Variants in TAF4B observed in about 807,000 individuals in gnomAD.
The protein encoded by TAF4B is TATA-box binding protein associated factor 4b, also known as transcription initiation factor TFIID subunit 4B.
A neutral mutation model predicts 86.4 loss-of-function variants in TAF4B; 38 were observed. The ratio of observed to expected loss-of-function variants is 0.44; its 90% confidence interval spans 0.34 to 0.58. The LOEUF is 0.58. Among genes scored for constraint, TAF4B ranks in the 20% least tolerant of loss-of-function variants. The pLI is 0.02. For missense variants in TAF4B, 988 were observed against 1,027.6 expected, an observed-to-expected ratio of 0.96 and a Z score of 0.53; for synonymous variants, 388 against 391.2, an observed-to-expected ratio of 0.99 and a Z score of 0.10.
At chr18:26,340,945 A>G (rs1049934359) in intron 13 of TAF4B, among the ~76,000 whole-genome samples, 3 of 152,166 alleles carry the variant, frequency 2.0e-5, no homozygotes, top group Non-Finnish European at 4.4e-5. Flanking sequence ...TTTACAAGAT[A>G]ACTTTAATGG....
chr18:26,257,362 A>G (rs955147512), intron 1 of TAF4B, among the ~76,000 whole-genome samples: 5 of 152,158 alleles, frequency 3.3e-5, no homozygotes, highest in African/African-American at 1.2e-4. Flanking sequence ...TGATATTAGT[A>G]TGGCCACTAC....
At chr18:26,341,098 T>TAA (rs141873351) in intron 13 of TAF4B, among the ~76,000 whole-genome samples, 9 of 150,664 alleles carry the variant, frequency 6.0e-5, no homozygotes, top group Admixed American at 1.3e-4. Flanking sequence ...GATGCCTGTT[T>TAA]AAAAAAAAAA....
chr18:26,346,759 G>A lies in TAF4B; in HGVS notation c.2317-10931G>A, dbSNP rs377459264. Among the ~76,000 whole-genome samples the A allele has an allele frequency of 7.4e-5, 2 of 27,112 alleles. 1 individual carries two copies. The highest frequency in any genetic ancestry group is 1.9e-4 in the African/African-American group (2 of 10,752). 17.8% of individuals were successfully genotyped at this position (27,112 alleles called of 152,430 possible). On this transcript the variant is annotated intron_variant, in intron 13 of 14. Coordinates refer to ENST00000269142, the MANE Select transcript of TAF4B (RefSeq NM_005640.3). ...CAAGAATATATATATATATATGTGT[G>A]TATATATATATATATGTGTGTGTAT... is the stretch of plus-strand genomic sequence containing the variant.
intron 14 of TAF4B, among the ~76,000 whole-genome samples, chr18:26,365,421 C>T (rs1472986717): frequency 6.6e-6 from 1 of 152,162 alleles, no homozygotes; most frequent in African/African-American, 2.4e-5. Context: ...TTTCAGCAGG[C>T]AGCAGAAGCT....
At chr18:26,255,838 C>T (rs2056076100) in intron 1 of TAF4B, 3 of 1,375,184 alleles carry the variant, frequency 2.2e-6, no homozygotes, top group South Asian at 2.3e-5. Flanking sequence ...TAGATGATCC[C>T]ACAACATGTC....
intron 1 of TAF4B, among the ~76,000 whole-genome samples, chr18:26,231,285 C>T (rs1173974763): frequency 6.6e-5 from 10 of 150,570 alleles, no homozygotes; most frequent in South Asian, 4.2e-4. Context: ...TCAGGTGATC[C>T]GCCCACCTTG....
At chr18:26,236,758 C>A (rs1226948537) in intron 1 of TAF4B, among the ~76,000 whole-genome samples, 2 of 152,138 alleles carry the variant, frequency 1.3e-5, no homozygotes, top group Non-Finnish European at 2.9e-5. Flanking sequence ...TCCTTTTCGT[C>A]CTGTTCCTCT....
intron 13 of TAF4B, among the ~76,000 whole-genome samples, chr18:26,338,398 G>A (rs770755761): frequency 6.6e-6 from 1 of 150,488 alleles, no homozygotes; most frequent in African/African-American, 2.4e-5. Flanking sequence ...GCAGTGAGCC[G>A]ACATGGTGCC....
chr18:26,352,398 G>C (rs1310431829), intron 13 of TAF4B, among the ~76,000 whole-genome samples: 1 of 151,956 alleles, frequency 6.6e-6, no homozygotes, highest in East Asian at 1.9e-4. Flanking sequence ...GGAATAGGAA[G>C]AGCAATATAG....
chr18:26,260,514 C>T (rs2056148999), intron 1 of TAF4B, among the ~76,000 whole-genome samples: 1 of 152,164 alleles, frequency 6.6e-6, no homozygotes, highest in Non-Finnish European at 1.5e-5. Context: ...AGCCAGTTTT[C>T]CCAGCACCAT....
At chr18:26,354,427 A>G (rs571914618) in intron 13 of TAF4B, among the ~76,000 whole-genome samples, 1 of 152,348 alleles carries the variant, frequency 6.6e-6, no homozygotes, top group African/African-American at 2.4e-5. Flanking sequence ...ATAGACTTTA[A>G]TCAGCTCCTG....
rs772896930 is a variant in TAF4B at position 26,286,100 on chromosome 18, C to CCCA, written c.1193_1195dup (p.Pro398dup). The CCCA allele has an allele frequency of 7.4e-6, 12 of 1,614,222 alleles. No homozygotes were observed. The highest frequency in any genetic ancestry group is 8.5e-6 in the Non-Finnish European group (10 of 1,180,032). On this transcript the variant is annotated inframe_insertion, in exon 7 of 15. Coordinates refer to ENST00000269142, the MANE Select transcript of TAF4B (RefSeq NM_005640.3). ...GAACTGTGTCAGTGCAAACTTTGAA[C>CCCA]CCACTTGCTGGTCCAGTGGGAGCAA...
At chr18:26,316,375 T>C (rs1568149022) in intron 10 of TAF4B, among the ~76,000 whole-genome samples, 1 of 151,636 alleles carries the variant, frequency 6.6e-6, no homozygotes, top group Non-Finnish European at 1.5e-5. Flanking sequence ...TGACCAGGGT[T>C]TTCTTCTTCT....
rs1198845653 is a variant in TAF4B, at chr18:26,389,921, C to T, written c.2498C>T (p.Thr833Met). The T allele has an allele frequency of 8.7e-6, 14 of 1,614,024 alleles. No individual in the cohort carries two copies. Among genetic ancestry groups the T allele is most frequent in the Admixed American group, 8.3e-5 (5 of 60,004 alleles). The change falls in exon 15 of 15, where the codon ACG becomes ATG. Residue 833 changes from threonine (T) to methionine (M), a missense_variant. This residue lies in a region of TAF4B where 216 missense variants were observed against 238.4 expected (regional missense o/e 0.91). Coordinates refer to ENST00000269142, the MANE Select transcript of TAF4B (RefSeq NM_005640.3). ...AAACAGTTGCATCGTCCAAGAATCACGAGAATCTGCCTCAGGGACTTGATA... is the reference window on the plus strand; with the variant it reads ...AAACAGTTGCATCGTCCAAGAATCATGAGAATCTGCCTCAGGGACTTGATA... Reference protein sequence around the residue: ...ATKQLHRPRITRICLRDLIFC... With the variant: ...ATKQLHRPRIMRICLRDLIFC...
intron 1 of TAF4B, among the ~76,000 whole-genome samples, chr18:26,236,214 A>C (rs1413866202): frequency 6.6e-6 from 1 of 152,212 alleles, no homozygotes; most frequent in Admixed American, 6.5e-5. Flanking sequence ...CAGGCATAAC[A>C]AGAAAGGCAC....
Position 26,321,137 on chromosome 18 carries a change from A to G in TAF4B, c.2070A>G (p.Glu690=). Residue 690 remains glutamate (E), a synonymous_variant, in exon 11 of 15, where the codon GAA becomes GAG. Transcript: ENST00000269142. ...AVNLISQATQ[E]RLRGLLEKLT... is the part of the protein sequence containing the mutation. ...ACTTGATCTCCCAAGCAACACAGGA[A>G]CGACTACGAGGCCTTCTAGAAAAAC... The G allele has an allele frequency of 6.2e-7, 1 of 1,613,906 alleles. No homozygotes were observed. The highest frequency in any genetic ancestry group is 1.1e-5 in the South Asian group (1 of 91,068).
chr18:26,359,160 T>C (rs2057311969), intron 14 of TAF4B, among the ~76,000 whole-genome samples: 1 of 152,206 alleles, frequency 6.6e-6, no homozygotes. Context: ...CTTAATATTT[T>C]CCTCATTTCC....
At chr18:26,362,203 C>T (rs1598829561) in intron 14 of TAF4B, among the ~76,000 whole-genome samples, 1 of 152,196 alleles carries the variant, frequency 6.6e-6, no homozygotes, top group Non-Finnish European at 1.5e-5. Flanking sequence ...GTTCTTTAAA[C>T]CCCATACCTC....
chr18:26,365,523 C>T (rs915809399), intron 14 of TAF4B, among the ~76,000 whole-genome samples: 19 of 152,016 alleles, frequency 1.2e-4, no homozygotes, highest in Non-Finnish European at 2.2e-4. Context: ...GTCCATGAAC[C>T]GTAGGAACTC....
Sources: gnomAD v4.1 joint callset for allele counts (sites outside exome capture counted in the v4.1 genomes callset) on GRCh38, gnomAD v4.1.1 for gene constraint, gnomAD v4.1.1 regional missense constraint, MANE v1.5 for transcripts, NCBI Gene and HGNC (gene_info 2026-07-23, HGNC 2026-07-21) for gene names.